Variants in CDC123 observed in about 807,000 individuals in gnomAD.
The protein encoded by CDC123 is cell division cycle 123, also known as translation initiation factor eIF2 assembly protein.
A neutral mutation model predicts 54.4 loss-of-function variants in CDC123; 37 were observed. The observed-to-expected ratio is 0.68, with a 90% CI of 0.52 to 0.89. The LOEUF (loss-of-function observed/expected upper bound fraction) is 0.89, where lower values mean the gene tolerates loss of function less well. Among genes scored for constraint, CDC123 ranks in the 40% least tolerant of loss-of-function variants. The probability of loss-of-function intolerance (pLI) is 0.00; values close to 1 mark genes in which losing one functional copy is unlikely to be tolerated. For synonymous variants in CDC123, 144 were observed against 136.8 expected (o/e 1.05, Z -0.37); for missense variants, 361 against 412.1 (o/e 0.88, Z 1.07).
intron 2 of CDC123, among the ~76,000 whole-genome samples, chr10:12,200,962 C>T (rs1473404272): frequency 6.6e-5 from 10 of 151,958 alleles, no homozygotes; most frequent in Admixed American, 1.3e-4. Flanking sequence ...TTAAACAACA[C>T]GATACAGTGC....
chr10:12,248,622 G>A (rs184903074), intron 11 of CDC123, among the ~76,000 whole-genome samples: 6 of 149,780 alleles, frequency 4.0e-5, no homozygotes, highest in South Asian at 4.3e-4. Context: ...CCTGATCAAC[G>A]TGGAGAAACC....
chr10:12,230,858 G>A (rs373272084), intron 6 of CDC123, 90 bp from the exon 7 acceptor site: 1 of 1,215,812 alleles, frequency 8.2e-7, no homozygotes, highest in Non-Finnish European at 1.2e-6. Flanking sequence ...TTAGTAAAAC[G>A]TTACTCTCAT....
chr10:12,216,467 A>G (rs1835666562), intron 5 of CDC123, among the ~76,000 whole-genome samples: 1 of 151,942 alleles, frequency 6.6e-6, no homozygotes, highest in Non-Finnish European at 1.5e-5. Flanking sequence ...TACTTTTATT[A>G]TTTTTTCTTT....
intron 2 of CDC123, among the ~76,000 whole-genome samples, chr10:12,202,737 T>C (rs1835456643): frequency 6.6e-6 from 1 of 152,232 alleles, no homozygotes; most frequent in South Asian, 2.1e-4. Flanking sequence ...GTTACAGCCC[T>C]GGTGTGGTGG....
At position 12,250,382 on chromosome 10, in the gene CDC123, C is replaced by A; in HGVS notation, c.*45C>A. ...GAAGAGGAGGCCCCGCCCCACCGCT[C>A]CGGGAGCTGCTCATCAGCCGCAACT... is the stretch of plus-strand genomic sequence containing the variant. On this transcript the variant is annotated 3_prime_UTR_variant, in exon 13 of 13. Transcript: ENST00000281141. 2 of 1,499,180 alleles carry A rather than the reference C, an allele frequency of 1.3e-6. No homozygotes were observed. The highest frequency in any genetic ancestry group is 1.9e-6 in the Non-Finnish European group (2 of 1,075,750). The allele number at this position is 1,499,180 out of a possible 1,614,324, so 92.9% of individuals were successfully genotyped here.
intron 3 of CDC123, 37 bp from the exon 4 acceptor site, chr10:12,210,247 TATTTAA>T (rs1404016613): frequency 5.0e-6 from 8 of 1,607,012 alleles, no homozygotes; most frequent in South Asian, 1.1e-5. Context: ...CCCAGTGCAG[TATTTAA>T]ATTTAATGTT....
chr10:12,215,709 A>T (rs1835653437), intron 4 of CDC123, 31 bp from the exon 5 acceptor site: 2 of 1,326,058 alleles, frequency 1.5e-6, no homozygotes, highest in Middle Eastern at 3.7e-4. Context: ...GATGATATTG[A>T]CGTGCCCAAT....
At position 12,249,595 on chromosome 10, in the gene CDC123, C is replaced by G. The variant is rs1836212500; in HGVS notation, c.861C>G (p.Phe287Leu). Reference protein sequence around the residue: ...VDAQEQDSPAFRCTNSEVTVQ... With the variant: ...VDAQEQDSPALRCTNSEVTVQ... ...TCTTTGTACAGGATTCCCCAGCTTTCCGTTGCACAAACAGTGAAGTGACAG... is the reference window on the plus strand; with the variant it reads ...TCTTTGTACAGGATTCCCCAGCTTTGCGTTGCACAAACAGTGAAGTGACAG... Residue 287 changes from phenylalanine (F) to leucine (L), a missense_variant, in exon 12 of 13, where the codon TTC (phenylalanine) becomes TTG (leucine). Phe to Leu is a conservative substitution (Grantham distance 22). Transcript: ENST00000281141. The G allele has an allele frequency of 6.2e-7, 1 of 1,613,220 alleles. No homozygotes were observed.
At chr10:12,218,981 T>G (rs764841043) in intron 6 of CDC123, among the ~76,000 whole-genome samples, 2 of 152,204 alleles carry the variant, frequency 1.3e-5, no homozygotes, top group Non-Finnish European at 2.9e-5. Flanking sequence ...TTTAAACTGG[T>G]CTTTAAAGCA....
At position 12,249,683 on chromosome 10, in the gene CDC123, G is replaced by C; in HGVS notation, c.949G>C (p.Glu317Gln). The C allele has an allele frequency of 6.2e-7, 1 of 1,614,032 alleles. No individual in the cohort carries two copies. Among genetic ancestry groups the C allele is most frequent in the Non-Finnish European group, 8.5e-7 (1 of 1,180,008 alleles). ...PKDFVDLSTGEDAHKLIDFLK... is the reference protein window; with the variant it reads ...PKDFVDLSTGQDAHKLIDFLK... ...GGACTTTGTAGACCTCTCTACTGGGGAGGACGCTCACAAGCTAATAGACTT... is the reference window on the plus strand; with the variant it reads ...GGACTTTGTAGACCTCTCTACTGGGCAGGACGCTCACAAGCTAATAGACTT... Residue 317 changes from glutamate to glutamine, a missense_variant, in exon 12 of 13, where the codon GAG (glutamate) becomes CAG (glutamine). Transcript: ENST00000281141.
At position 12,219,255 on chromosome 10, in the gene CDC123, G is replaced by A. The variant is rs575567304; in HGVS notation, c.440+1788G>A. 2.0e-5 allele frequency among the ~76,000 whole-genome samples: 3 copies of A among 152,256 alleles called. No homozygotes were observed. The East Asian group carries it at 5.8e-4, about 29-fold the overall frequency. On this transcript the variant is annotated intron_variant, in intron 6 of 12. Coordinates refer to ENST00000281141, the MANE Select transcript of CDC123 (RefSeq NM_006023.3). ...GGGAAGTTAAGTAATCAGTGAGTGT[G>A]GTTGTGTTACATCGTATTACATGTT... is the stretch of plus-strand genomic sequence containing the variant.
At chr10:12,228,366 A>G (rs1166229144) in intron 6 of CDC123, among the ~76,000 whole-genome samples, 1 of 151,970 alleles carries the variant, frequency 6.6e-6, no homozygotes, top group African/African-American at 2.4e-5. Flanking sequence ...TTGATTTGAA[A>G]TAAGAGATTT....
rs139962047 is a variant in CDC123 at position 12,206,161 on chromosome 10, A to C, written c.147-3806A>C. Among the ~76,000 whole-genome samples the C allele has an allele frequency of 3.3e-3, 504 of 152,350 alleles. 1 individual carries two copies. The highest frequency in any genetic ancestry group is 0.012 in the African/African-American group (487 of 41,582). On this transcript the variant is annotated intron_variant, in intron 2 of 12. Coordinates refer to ENST00000281141, the MANE Select transcript of CDC123 (RefSeq NM_006023.3). ...GTGAATAAAATTTGTCATACTTTAC[A>C]GTAGGCACTGCAATAATTTCTGAAG...
At position 12,199,932 on chromosome 10, in the gene CDC123, C is replaced by G. The variant is rs1022070458; in HGVS notation, c.146+1156C>G. Among the ~76,000 whole-genome samples the G allele has an allele frequency of 2.6e-5, 4 of 151,638 alleles. No individual in the cohort carries two copies. In the East Asian group the frequency reaches 5.8e-4, roughly 22 times the overall value. On this transcript the variant is annotated intron_variant, in intron 2 of 12. Coordinates refer to ENST00000281141, the MANE Select transcript of CDC123 (RefSeq NM_006023.3). ...CTGCCTCCCGGGTTCACGCTATTCT[C>G]CTGCCTCAGCCTCCAAGTAGCTGGG...
chr10:12,234,066 AATTAT>A (rs1256111687), intron 7 of CDC123, among the ~76,000 whole-genome samples: 3 of 152,004 alleles, frequency 2.0e-5, no homozygotes, highest in Admixed American at 6.6e-5. Context: ...ACAACTTTAG[AATTAT>A]ATTATTTTAT....
intron 6 of CDC123, among the ~76,000 whole-genome samples, chr10:12,227,268 T>G (rs115026656): frequency 0.033 from 3,547 of 106,428 alleles, 167 homozygotes; most frequent in African/African-American, 0.12. Flanking sequence ...GAGGGAGAGA[T>G]AGACCATGGG....
intron 4 of CDC123, among the ~76,000 whole-genome samples, chr10:12,215,006 C>T (rs186662470): frequency 3.9e-5 from 6 of 152,202 alleles, no homozygotes; most frequent in East Asian, 1.9e-4. Flanking sequence ...CCATAAGCTC[C>T]TGTGATAGTG....
At chr10:12,200,762 A>T (rs752091291) in intron 2 of CDC123, among the ~76,000 whole-genome samples, 6 of 152,130 alleles carry the variant, frequency 3.9e-5, no homozygotes, top group Non-Finnish European at 8.8e-5. Context: ...GTGAAACCTC[A>T]TCTCTACTAA....
intron 1 of CDC123, among the ~76,000 whole-genome samples, chr10:12,197,243 T>C (rs1018579679): frequency 3.3e-5 from 5 of 152,098 alleles, no homozygotes; most frequent in African/African-American, 1.2e-4. Context: ...AGAAAGAAAA[T>C]TGAGTGGTTT....
Sources: gnomAD v4.1 joint callset for allele counts (sites outside exome capture counted in the v4.1 genomes callset) on GRCh38, gnomAD v4.1.1 for gene constraint, MANE v1.5 for transcripts, NCBI Gene and HGNC (gene_info 2026-07-23, HGNC 2026-07-21) for gene names.